Variants in STXBP4 observed in about 807,000 individuals in gnomAD.
STXBP4 encodes syntaxin-binding protein 4.
In STXBP4, 55 loss-of-function variants were observed where a neutral mutation model predicts 76.1. The ratio of observed to expected loss-of-function variants is 0.72; its 90% CI spans 0.58 to 0.91. The LOEUF is 0.91. Among genes scored for constraint, STXBP4 ranks in the 40% least tolerant of loss-of-function variants. The pLI is 0.00. For synonymous variants in STXBP4, 201 were observed against 220.2 expected (o/e 0.91, Z 0.77); for missense variants, 618 against 636.9 (o/e 0.97, Z 0.32).
At chr17:55,180,971 T>A in the STXBP4 span, among the ~76,000 whole-genome samples, 1 of 152,194 alleles carries the variant, frequency 6.6e-6, no homozygotes, top group Admixed American at 6.5e-5. Flanking sequence ...AACAATCCAT[T>A]TTTTACTTTC....
the STXBP4 span, among the ~76,000 whole-genome samples, chr17:55,181,528 C>T: frequency 2.0e-5 from 3 of 152,162 alleles, no homozygotes; most frequent in Non-Finnish European, 4.4e-5. Flanking sequence ...CTGCATCCCT[C>T]TCCTTGGTTC....
At chr17:55,209,185 A>T in the STXBP4 span, among the ~76,000 whole-genome samples, 6 of 152,220 alleles carry the variant, frequency 3.9e-5, no homozygotes, top group Admixed American at 2.0e-4. Context: ...TTAAAAAAAA[A>T]TAACTGTTTA....
chr17:55,203,661 A>T, the STXBP4 span, among the ~76,000 whole-genome samples: 4 of 152,146 alleles, frequency 2.6e-5, no homozygotes, highest in East Asian at 5.8e-4. Flanking sequence ...TAAGAGGAAA[A>T]TTTCTACCAA....
At chr17:55,057,227 T>C (rs1436543414) in intron 12 of STXBP4, among the ~76,000 whole-genome samples, 1 of 152,208 alleles carries the variant, frequency 6.6e-6, no homozygotes, top group Non-Finnish European at 1.5e-5. Flanking sequence ...AGAAAACCTT[T>C]AATTGGAGTT....
intron 8 of STXBP4, among the ~76,000 whole-genome samples, chr17:55,009,565 G>A (rs2078069338): frequency 6.6e-6 from 1 of 152,016 alleles, no homozygotes; most frequent in South Asian, 2.1e-4. Flanking sequence ...GAGTTGCTTG[G>A]CCATTAAATC....
At chr17:55,121,916 G>A (rs11654802) in intron 16 of STXBP4, among the ~76,000 whole-genome samples, 1 of 152,096 alleles carries the variant, frequency 6.6e-6, no homozygotes, top group African/African-American at 2.4e-5. Context: ...GAAATGTGTA[G>A]GGATCAGCCA....
In STXBP4 at chr17:55,162,444, C is replaced by T. The variant is rs369805290; in HGVS notation, c.*2533C>T. On this transcript the variant is annotated 3_prime_UTR_variant, in exon 18 of 18. Transcript: ENST00000376352. ...CTTTACTAGAGTGCCCAAGTTGACTCATCCTTACTCACTCATTCCCTCAAA... is the reference window on the plus strand; with the variant it reads ...CTTTACTAGAGTGCCCAAGTTGACTTATCCTTACTCACTCATTCCCTCAAA... 6.6e-6 allele frequency: 1 copy of T among 152,126 alleles called. No individual in the cohort carries two copies. Among genetic ancestry groups the T allele is most frequent in the African/African-American group, 2.4e-5 (1 of 41,424 alleles). 9.4% of individuals were successfully genotyped at this position (152,126 alleles called of 1,614,324 possible). A position where few individuals can be genotyped will look rare whatever the true frequency, so the allele number is the denominator to read the frequency against.
chr17:55,201,102 T>C, the STXBP4 span, among the ~76,000 whole-genome samples: 4 of 152,182 alleles, frequency 2.6e-5, no homozygotes, highest in African/African-American at 9.6e-5. Context: ...CATGCCAAAG[T>C]TGATTTTTTT....
intron 16 of STXBP4, among the ~76,000 whole-genome samples, chr17:55,117,712 AAAC>A (rs1851751344): frequency 6.6e-6 from 1 of 151,968 alleles, no homozygotes; most frequent in African/African-American, 2.4e-5. Flanking sequence ...TATGTGGGCA[AAAC>A]AACTGAATGA....
chr17:55,039,510 T>C lies in STXBP4; in HGVS notation c.856-3726T>C, dbSNP rs191740519. Reference sequence around the variant, plus strand: ...ATTTTAGAAAGAGGAATCATATGTGTTGGTTATCTAGGAAGGGAGTGAAAG... The same window carrying C: ...ATTTTAGAAAGAGGAATCATATGTGCTGGTTATCTAGGAAGGGAGTGAAAG... On this transcript the variant is annotated intron_variant, in intron 10 of 17. Transcript: ENST00000376352. 1.2e-4 allele frequency among the ~76,000 whole-genome samples: 19 copies of C among 152,204 alleles called. No individual in the cohort carries two copies. The East Asian group carries it at 3.5e-3, about 28-fold the overall frequency.
chr17:54,995,792 A>G (rs1198038463), intron 4 of STXBP4, among the ~76,000 whole-genome samples: 1 of 152,224 alleles, frequency 6.6e-6, no homozygotes, highest in African/African-American at 2.4e-5. Context: ...TTCGCTTTGC[A>G]GTGTCACTCT....
chr17:55,019,397 G>A (rs2078264777), intron 8 of STXBP4, among the ~76,000 whole-genome samples: 1 of 152,110 alleles, frequency 6.6e-6, no homozygotes, highest in African/African-American at 2.4e-5. Flanking sequence ...AGGTTAATCA[G>A]AATTCCTTTG....
At chr17:55,108,528 C>G (rs2079665391) in intron 16 of STXBP4, among the ~76,000 whole-genome samples, 1 of 152,168 alleles carries the variant, frequency 6.6e-6, no homozygotes, top group African/African-American at 2.4e-5. Context: ...AACCCTGGAC[C>G]CTCGTGATGT....
the STXBP4 span, among the ~76,000 whole-genome samples, chr17:55,186,108 A>G: frequency 3.3e-5 from 5 of 152,296 alleles, no homozygotes; most frequent in South Asian, 2.1e-4. Context: ...TACCACCACT[A>G]TGCAATTACT....
At chr17:55,196,082 A>G in the STXBP4 span, among the ~76,000 whole-genome samples, 1 of 152,034 alleles carries the variant, frequency 6.6e-6, no homozygotes, top group Non-Finnish European at 1.5e-5. Context: ...AATGGTTTGT[A>G]TTTTCTTAAG....
rs529536884 is a variant in STXBP4 at position 55,169,862 on chromosome 17, C to T, written c.*9951C>T. ...AAGACAGATAATTTTGTAGTATTTA[C>T]TGTGTGAAGTGAACCTTTAAGGCTG... On this transcript the variant is annotated 3_prime_UTR_variant, in exon 18 of 18. Transcript: ENST00000376352. 2 of 152,330 alleles carry T rather than the reference C, an allele frequency of 1.3e-5. No homozygotes were observed. The highest frequency in any genetic ancestry group is 3.9e-4 in the East Asian group (2 of 5,192). 9.4% of individuals were successfully genotyped at this position (152,330 alleles called of 1,614,324 possible).
chr17:55,033,685 T>G (rs2078550339), intron 9 of STXBP4, among the ~76,000 whole-genome samples: 1 of 152,164 alleles, frequency 6.6e-6, no homozygotes, highest in South Asian at 2.1e-4. Context: ...AGCCTCAATT[T>G]TTTTCATCTG....
the STXBP4 span, among the ~76,000 whole-genome samples, chr17:55,203,431 A>G: frequency 6.6e-6 from 1 of 152,188 alleles, no homozygotes; most frequent in African/African-American, 2.4e-5. Flanking sequence ...CGACAGCTAC[A>G]TAATAGATGC....
chr17:54,994,443 C>T (rs1362188013), intron 4 of STXBP4, among the ~76,000 whole-genome samples: 3 of 152,210 alleles, frequency 2.0e-5, no homozygotes, highest in Non-Finnish European at 4.4e-5. Flanking sequence ...TGAATGACAG[C>T]TTCTAGCTAC....
Sources: gnomAD v4.1 joint callset for allele counts (sites outside exome capture counted in the v4.1 genomes callset) on GRCh38, gnomAD v4.1.1 for gene constraint, MANE v1.5 for transcripts, NCBI Gene and HGNC (gene_info 2026-07-23, HGNC 2026-07-21) for gene names.